CTSA: variants seen among roughly 807,000 people sequenced by gnomAD.
CTSA encodes the protein cathepsin A.
A neutral mutation model predicts 66.7 loss-of-function variants in CTSA; 42 were observed. The ratio of observed to expected loss-of-function variants is 0.63; its 90% CI spans 0.49 to 0.81. The LOEUF is 0.81. Among genes scored for constraint, CTSA ranks in the 40% least tolerant of loss-of-function variants. CTSA has a pLI of 0.00. For synonymous variants in CTSA, 225 were observed against 248.6 expected, an observed-to-expected ratio of 0.91 and a Z score of 0.89; for missense variants, 525 against 610.9, an observed-to-expected ratio of 0.86 and a Z score of 1.48.
rs1457969164 is a variant in CTSA, at chr20:45,893,286, T to C, written c.667T>C (p.Tyr223His). ...TGACAACTCCCTGGTCTACTTTGCC[T>C]ACTACCATGGCCTTCTGGGGAACAG... Reference protein sequence around the residue: ...QNDNSLVYFAYYHGLLGNRLW... With the variant: ...QNDNSLVYFAHYHGLLGNRLW... Residue 223 changes from tyrosine (Y) to histidine (H), a missense_variant, in exon 7 of 15, where the codon TAC becomes CAC. Around this residue, in one of 3 missense-constraint regions of CTSA, gnomAD observed 5 missense variants for 22.4 expected, o/e 0.22. Coordinates refer to ENST00000646241, the MANE Select transcript of CTSA (RefSeq NM_000308.4). The C allele has an allele frequency of 1.2e-6, 2 of 1,613,888 alleles. No homozygotes were observed. Among genetic ancestry groups the C allele is most frequent in the African/African-American group, 2.7e-5 (2 of 74,888 alleles).
At position 45,898,503 on chromosome 20, in the gene CTSA, G is replaced by T; in HGVS notation, c.*53G>T. 6.5e-7 allele frequency: 1 copy of T among 1,535,498 alleles called. No homozygotes were observed. The highest frequency in any genetic ancestry group is 1.1e-5 in the South Asian group (1 of 89,008). Reference sequence around the variant, plus strand: ...GATGCAGCCCCTCCCAGCCTCTCCCGCTAGGAGAGTCCTCTTCTAAGCAAA... The same window carrying T: ...GATGCAGCCCCTCCCAGCCTCTCCCTCTAGGAGAGTCCTCTTCTAAGCAAA... On this transcript the variant is annotated 3_prime_UTR_variant, in exon 15 of 15. Coordinates refer to ENST00000646241, the MANE Select transcript of CTSA (RefSeq NM_000308.4). The surrounding 1 kb of genome is among the most constrained non-coding windows in gnomAD (Gnocchi z 4.6).
chr20:45,893,023 G>C (rs1601141055), intron 6 of CTSA, 143 bp downstream of exon 6: 15 of 1,058,036 alleles, frequency 1.4e-5, no homozygotes, highest in Non-Finnish European at 2.1e-5. Context: ...AGGTCTGTCT[G>C]TGTGCCTCCC....
In CTSA at chr20:45,898,707, A is replaced by T. The variant is rs2083141740; in HGVS notation, c.*257A>T. The stretch of plus-strand genomic sequence containing the variant: ...CTCTGCTTAAAGAATGCCCTTTATG[A>T]TGCACTGATTCCATCCCAGGAACCC... On this transcript the variant is annotated 3_prime_UTR_variant, in exon 15 of 15. Coordinates refer to ENST00000646241, the MANE Select transcript of CTSA (RefSeq NM_000308.4). This position sits in a 1 kb window ranked among gnomAD's most constrained non-coding sequence, Gnocchi z 4.6. The T allele has an allele frequency of 6.1e-6, 4 of 657,158 alleles. No homozygotes were observed. The highest frequency in any genetic ancestry group is 5.3e-6 in the Non-Finnish European group (2 of 379,120). The allele number at this position is 657,158 out of a possible 1,614,324, so 40.7% of individuals were successfully genotyped here. A position where few individuals can be genotyped will look rare whatever the true frequency, so the allele number is the denominator to read the frequency against.
In CTSA at chr20:45,895,028, AC is replaced by A. The variant is rs758642867; in HGVS notation, c.990del (p.Cys331AlafsTer36). On this transcript the variant is annotated frameshift_variant, in exon 11 of 15. Transcript: ENST00000646241. LOFTEE classifies it high-confidence loss of function. ...LLRSGDKVRM[D>X]PPCTNTTAAS... ...CGCTCAGGGGATAAAGTGCGCATGG[AC>A]CCCCCCTGCACCAACACAACAGCTG... is the stretch of plus-strand genomic sequence containing the variant. 5 of 1,613,274 alleles carry A rather than the reference AC, an allele frequency of 3.1e-6. No homozygotes were observed. Among genetic ancestry groups the A allele is most frequent in the African/African-American group, 2.7e-5 (2 of 74,642 alleles).
Position 45,896,748 on chromosome 20 carries a change from T to C in CTSA, c.1089-217T>C, listed in dbSNP as rs371221546. The C allele has an allele frequency of 8.5e-5, 50 of 590,162 alleles. 1 individual carries two copies. Among genetic ancestry groups the C allele is most frequent in the African/African-American group, 6.5e-4 (35 of 54,190 alleles). The allele number at this position is 590,162 out of a possible 1,614,324, so 36.6% of individuals were successfully genotyped here. ...CACCACGCCCAGCATCCCTGTACCT[T>C]TCTAAATGGTGGTGAGTTGAGGCTG... On this transcript the variant is annotated intron_variant, in intron 11 of 14. Transcript: ENST00000646241.
chr20:45,898,317 T>C lies in CTSA; in HGVS notation c.1360-50T>C, dbSNP rs2083135260. ...AATTGCCCCCGAGTGAGCAGTTATA[T>C]GGGGAGGAGGGAATGGTGGGGTCAG... is the stretch of plus-strand genomic sequence containing the variant. On this transcript the variant is annotated intron_variant, in intron 14 of 14. Transcript: ENST00000646241. This position sits in a 1 kb window ranked among gnomAD's most constrained non-coding sequence, Gnocchi z 4.6. 4.0e-6 allele frequency: 6 copies of C among 1,509,670 alleles called. No homozygotes were observed. Among genetic ancestry groups the C allele is most frequent in the Non-Finnish European group, 5.5e-6 (6 of 1,090,504 alleles). The allele number at this position is 1,509,670 out of a possible 1,614,324, so 93.5% of individuals were successfully genotyped here. A position where few individuals can be genotyped will look rare whatever the true frequency, so the allele number is the denominator to read the frequency against.
rs1161546975 is a variant in CTSA, at chr20:45,891,512, G to A, written c.1-57G>A. The A allele has an allele frequency of 3.9e-6, 6 of 1,558,386 alleles. No homozygotes were observed. Among genetic ancestry groups the A allele is most frequent in the Admixed American group, 1.9e-5 (1 of 51,912 alleles). ...AGGCGCCGCCAGCAACTCCCCGGGG[G>A]CTGCTGCACGGAAGCGCTGAGGAGC... is the stretch of plus-strand genomic sequence containing the variant. On this transcript the variant is annotated intron_variant, in intron 1 of 14. Coordinates refer to ENST00000646241, the MANE Select transcript of CTSA (RefSeq NM_000308.4). The surrounding 1 kb of genome is among the most constrained non-coding windows in gnomAD (Gnocchi z 4.6).
At chr20:45,896,491 G>C (rs543317912) in intron 11 of CTSA, 2 of 222,210 alleles carry the variant, frequency 9.0e-6, no homozygotes, top group Admixed American at 1.0e-4. Context: ...GGAGTGCAGT[G>C]CTGCGATCTT....
Position 45,897,150 on chromosome 20 carries a change from C to G in CTSA, c.1164+110C>G, listed in dbSNP as rs11569667. Reference sequence around the variant, plus strand: ...GTCAGGACAAGGGAAGCTGAAACTCCGAAAGGCGAAGCCCAGGGTCCTGTG... The same window carrying G: ...GTCAGGACAAGGGAAGCTGAAACTCGGAAAGGCGAAGCCCAGGGTCCTGTG... On this transcript the variant is annotated intron_variant, in intron 12 of 14. Transcript: ENST00000646241. The G allele has an allele frequency of 4.4e-6, 4 of 917,786 alleles. No homozygotes were observed. The African/African-American group carries it at 6.5e-5, about 15-fold the overall frequency. 56.9% of individuals were successfully genotyped at this position (917,786 alleles called of 1,614,324 possible). A position where few individuals can be genotyped will look rare whatever the true frequency, so the allele number is the denominator to read the frequency against.
At chr20:45,897,418 G>T in intron 12 of CTSA, 1 of 498,468 alleles carries the variant, frequency 2.0e-6, no homozygotes, top group Non-Finnish European at 3.6e-6. Flanking sequence ...ATGGGCTCTG[G>T]AGTCACATGG....
chr20:45,893,275 T>G lies in CTSA; in HGVS notation c.656T>G (p.Val219Gly), dbSNP rs1484934726. The stretch of plus-strand genomic sequence containing the variant: ...TATGAGCAGAATGACAACTCCCTGG[T>G]CTACTTTGCCTACTACCATGGCCTT... ...SSYEQNDNSL[V>G]YFAYYHGLLG... Residue 219 changes from valine to glycine, a missense_variant, in exon 7 of 15, where the codon GTC becomes GGC. Around this residue, in one of 3 missense-constraint regions of CTSA, gnomAD observed 246 missense variants for 267.4 expected, o/e 0.92. Transcript: ENST00000646241. 1.2e-6 allele frequency: 2 copies of G among 1,614,104 alleles called. No homozygotes were observed. Among genetic ancestry groups the G allele is most frequent in the South Asian group, 2.2e-5 (2 of 91,082 alleles).
In CTSA at chr20:45,891,979, C is replaced by T. The variant is rs766977905; in HGVS notation, c.258C>T (p.Pro86=). 16 of 1,614,118 alleles carry T rather than the reference C, an allele frequency of 9.9e-6. 1 individual carries two copies. In the South Asian group the frequency reaches 1.6e-4, roughly 17 times the overall value. ...SPVVLWLNGG[P]GCSSLDGLLT... ...TGGTGCTTTGGCTCAATGGGGGTCCCGGCTGCAGCTCACTAGATGGGCTCC... is the reference window on the plus strand; with the variant it reads ...TGGTGCTTTGGCTCAATGGGGGTCCTGGCTGCAGCTCACTAGATGGGCTCC... The change falls in exon 3 of 15, where the codon CCC becomes CCT. Residue 86 remains proline, a synonymous_variant. Transcript: ENST00000646241. The surrounding 1 kb of genome is among the most constrained non-coding windows in gnomAD (Gnocchi z 4.6).
intron 10 of CTSA, 46 bp from the exon 11 acceptor site, chr20:45,894,948 A>G: frequency 6.2e-7 from 1 of 1,613,226 alleles, no homozygotes; most frequent in Non-Finnish European, 8.5e-7. Context: ...GGGCAGGGGG[A>G]GGGGCAGGGA....
In CTSA at chr20:45,898,137, C is replaced by G. The variant is rs1026427825; in HGVS notation, c.1359+28C>G. ...AGGGACTGGGCCTGCTGAGAGATAACTGGGCCGGAGGCAAAGGAGCAGGAC... is the reference window on the plus strand; with the variant it reads ...AGGGACTGGGCCTGCTGAGAGATAAGTGGGCCGGAGGCAAAGGAGCAGGAC... On this transcript the variant is annotated intron_variant, in intron 14 of 14. Coordinates refer to ENST00000646241, the MANE Select transcript of CTSA (RefSeq NM_000308.4). This position sits in a 1 kb window ranked among gnomAD's most constrained non-coding sequence, Gnocchi z 4.6. 4 of 1,605,104 alleles carry G rather than the reference C, an allele frequency of 2.5e-6. No homozygotes were observed. Among genetic ancestry groups the G allele is most frequent in the Non-Finnish European group, 3.4e-6 (4 of 1,172,034 alleles).
At chr20:45,896,722 C>T in intron 11 of CTSA, 1 of 527,848 alleles carries the variant, frequency 1.9e-6, no homozygotes, top group Non-Finnish European at 3.4e-6. Flanking sequence ...CAGGCGTGAG[C>T]CACCACGCCC....
chr20:45,892,522 G>A (rs764542700), intron 5 of CTSA, 38 bp downstream of exon 5: 39 of 1,591,810 alleles, frequency 2.5e-5, no homozygotes, highest in South Asian at 1.4e-4. Context: ...CAGGCTCCCC[G>A]GTCCTCCATC....
Position 45,895,098 on chromosome 20 carries a change from C to T in CTSA, c.1053C>T (p.Asn351=). 1 of 1,614,186 alleles carries T rather than the reference C, an allele frequency of 6.2e-7. No homozygotes were observed. The part of the protein sequence containing the change: ...LNNPYVRKAL[N]IPEQLPQWDM... The stretch of plus-strand genomic sequence containing the variant: ...ACCCGTACGTGCGGAAGGCCCTCAA[C>T]ATCCCGGAGCAGCTGCCACAATGGG... Residue 351 remains asparagine (N), a synonymous_variant, in exon 11 of 15, where the codon AAC becomes AAT. Coordinates refer to ENST00000646241, the MANE Select transcript of CTSA (RefSeq NM_000308.4).
chr20:45,896,131 G>T (rs2083102747), intron 11 of CTSA, among the ~76,000 whole-genome samples: 1 of 152,104 alleles, frequency 6.6e-6, no homozygotes, highest in South Asian at 2.1e-4. Context: ...GGAGGCAGAG[G>T]TTGCAGTGAG....
intron 11 of CTSA, 180 bp downstream of exon 11, chr20:45,895,313 T>C: frequency 1.4e-6 from 1 of 736,626 alleles, no homozygotes; most frequent in Non-Finnish European, 2.2e-6. Context: ...TCTTTTATCT[T>C]TTTTAAATTT....
Sources: allele counts gnomAD v4.1 joint callset (sites outside exome capture counted in the v4.1 genomes callset), GRCh38; gene constraint gnomAD v4.1.1; regional missense constraint gnomAD v4.1.1; non-coding constraint Gnocchi (gnomAD v3.1); transcripts MANE v1.5; gene names NCBI Gene and HGNC (gene_info 2026-07-23, HGNC 2026-07-21).